ARPC5: variants seen among roughly 807,000 people sequenced by gnomAD.
The protein encoded by ARPC5 is actin-related protein 2/3 complex subunit 5.
A neutral mutation model predicts 15.4 loss-of-function variants in ARPC5; 5 were observed. The observed-to-expected ratio is 0.32, with a 90% confidence interval of 0.17 to 0.68. The LOEUF (loss-of-function observed/expected upper bound fraction) is 0.68. ARPC5 is among the 30% of genes least tolerant of loss of function. The pLI, the probability that ARPC5 is intolerant of heterozygous loss-of-function variation, is 0.71. For missense variants in ARPC5, 138 were observed against 192.8 expected, an observed-to-expected ratio of 0.72 and a Z score of 1.68; for synonymous variants, 85 against 72.2, an observed-to-expected ratio of 1.18 and a Z score of -0.90.
chr1:183,633,382 G>T, intron 1 of ARPC5: 1 of 336,688 alleles, frequency 3.0e-6, no homozygotes, highest in East Asian at 5.7e-5. Context: ...TTTCACCCTT[G>T]GTTCTAACTA....
chr1:183,632,108 A>C (rs1013623379), intron 2 of ARPC5: 1 of 152,234 alleles, frequency 6.6e-6, no homozygotes, highest in East Asian at 1.9e-4. Flanking sequence ...TTACCTAGAT[A>C]ATTATTATGC....
At chr1:183,632,489 C>T (rs1449978060) in intron 2 of ARPC5, 1 of 152,152 alleles carries the variant, frequency 6.6e-6, no homozygotes, top group African/African-American at 2.4e-5. Flanking sequence ...TACACTGCAG[C>T]TTATCCATAT....
intron 3 of ARPC5, among the ~76,000 whole-genome samples, chr1:183,627,946 G>A (rs985488507): frequency 3.3e-5 from 5 of 151,996 alleles, no homozygotes; most frequent in South Asian, 2.1e-4. Flanking sequence ...GGCCGAGGCC[G>A]GCGGATCACG....
At chr1:183,631,678 CTTTT>C (rs200423958) in intron 2 of ARPC5, 2 of 150,150 alleles carry the variant, frequency 1.3e-5, no homozygotes, top group Admixed American at 6.6e-5. Context: ...TTCTTAAAAA[CTTTT>C]TTATTTAAAA....
At position 183,627,024 on chromosome 1, in the gene ARPC5, T is replaced by G. The variant is rs547502762; in HGVS notation, c.*508A>C. The G allele has an allele frequency of 6.5e-6, 1 of 154,504 alleles. No homozygotes were observed. The highest frequency in any genetic ancestry group is 6.4e-5 in the Admixed American group (1 of 15,574). 9.6% of individuals were successfully genotyped at this position (154,504 alleles called of 1,614,324 possible). A position where few individuals can be genotyped will look rare whatever the true frequency, so the allele number is the denominator to read the frequency against. ...TTAGCAGTGGTATTCACCCACCACT[T>G]ATTCCAAAAACATATTTTGCTTATT... is the stretch of plus-strand genomic sequence containing the variant. On this transcript the variant is annotated 3_prime_UTR_variant, in exon 4 of 4. Coordinates refer to ENST00000359856, the MANE Select transcript of ARPC5 (RefSeq NM_005717.4).
chr1:183,623,525 G>C lies in ARPC5; in HGVS notation c.*4007C>G. 1 of 1,550,012 alleles carries C rather than the reference G, an allele frequency of 6.5e-7. No homozygotes were observed. The highest frequency in any genetic ancestry group is 8.7e-7 in the Non-Finnish European group (1 of 1,146,686). ...TTCACATATTGTACTAGTGACATTG[G>C]GGTGAGGGGGAGAGGGAGTGGGGCA... On this transcript the variant is annotated 3_prime_UTR_variant, in exon 4 of 4. Coordinates refer to ENST00000359856, the MANE Select transcript of ARPC5 (RefSeq NM_005717.4).
chr1:183,623,229 AG>A lies in ARPC5; in HGVS notation c.*4302del. The A allele has an allele frequency of 1.7e-6, 1 of 602,100 alleles. No homozygotes were observed. The highest frequency in any genetic ancestry group is 2.9e-6 in the Non-Finnish European group (1 of 342,360). The allele number at this position is 602,100 out of a possible 1,614,324, so 37.3% of individuals were successfully genotyped here. A position where few individuals can be genotyped will look rare whatever the true frequency, so the allele number is the denominator to read the frequency against. ...TTGTGTTTCATGTGGTGTGGATTCT[AG>A]GGAACTGTTTCAGAGAGAAATAAGA... On this transcript the variant is annotated 3_prime_UTR_variant, in exon 4 of 4. Coordinates refer to ENST00000359856, the MANE Select transcript of ARPC5 (RefSeq NM_005717.4).
chr1:183,630,469 G>A lies in ARPC5; in HGVS notation c.385C>T (p.His129Tyr). ...TATAATTCATAACTTACCTTTTCAT[G>A]CCATTGCAGTAACATAGCACTGCTA... is the stretch of plus-strand genomic sequence containing the variant. ...DNSSAMLLQW[H>Y]EKALAAGGVG... The change falls in exon 3 of 4, where the codon CAT (histidine) becomes TAT (tyrosine). Residue 129 changes from histidine to tyrosine, a missense_variant. His to Tyr is a moderately conservative substitution (Grantham distance 83, BLOSUM62 2). This residue lies in a region of ARPC5 where 121 missense variants were observed against 153.7 expected (regional missense o/e 0.79). Transcript: ENST00000359856. 1 of 1,603,078 alleles carries A rather than the reference G, an allele frequency of 6.2e-7. No homozygotes were observed. Among genetic ancestry groups the A allele is most frequent in the Non-Finnish European group, 8.5e-7 (1 of 1,174,698 alleles).
rs1030870651 is a variant in ARPC5, at chr1:183,626,800, T to C, written c.*732A>G. 1.3e-5 allele frequency: 2 copies of C among 152,354 alleles called. No individual in the cohort carries two copies. The highest frequency in any genetic ancestry group is 4.8e-5 in the African/African-American group (2 of 41,456). 9.4% of individuals were successfully genotyped at this position (152,354 alleles called of 1,614,324 possible). A position where few individuals can be genotyped will look rare whatever the true frequency, so the allele number is the denominator to read the frequency against. ...TTTTTTCCAAACAGAGCCATATTAG[T>C]GGAACAAAAGTTTGATGTTCATGCC... On this transcript the variant is annotated 3_prime_UTR_variant, in exon 4 of 4. Transcript: ENST00000359856.
rs1334931355 is a variant in ARPC5 at position 183,623,351 on chromosome 1, C to T, written c.*4181G>A. ...GAAATGTTAAAGTGAATGCTGTGTC[C>T]CATGTTGCTTGTGGTTGGATCATCA... On this transcript the variant is annotated 3_prime_UTR_variant, in exon 4 of 4. Coordinates refer to ENST00000359856, the MANE Select transcript of ARPC5 (RefSeq NM_005717.4). The T allele has an allele frequency of 5.8e-6, 8 of 1,380,524 alleles. No individual in the cohort carries two copies. Among genetic ancestry groups the T allele is most frequent in the Non-Finnish European group, 8.1e-6 (8 of 992,494 alleles). 85.5% of individuals were successfully genotyped at this position (1,380,524 alleles called of 1,614,324 possible).
At chr1:183,630,662 CATTTAGACAT>C (rs1328360561) in intron 2 of ARPC5, 25 bp from the exon 3 acceptor site, 2 of 1,597,876 alleles carry the variant, frequency 1.3e-6, no homozygotes, top group Non-Finnish European at 1.7e-6. Context: ...AATAACAGAA[CATTTAGACAT>C]ATCTGTATGA....
chr1:183,629,995 TTG>T (rs1164721767), intron 3 of ARPC5, among the ~76,000 whole-genome samples: 1 of 152,236 alleles, frequency 6.6e-6, no homozygotes, highest in Non-Finnish European at 1.5e-5. Flanking sequence ...ATTAGTTCTT[TTG>T]TGTTTGGCTC....
intron 1 of ARPC5, chr1:183,633,997 T>A (rs1045474670): frequency 6.6e-6 from 1 of 152,242 alleles, no homozygotes; most frequent in African/African-American, 2.4e-5. Flanking sequence ...AGTATCTTTA[T>A]ATTTTAAGAT....
In ARPC5 at chr1:183,622,129, G is replaced by A. The variant is rs953222257; in HGVS notation, c.*5403C>T. 1.2e-4 allele frequency: 18 copies of A among 152,160 alleles called. No homozygotes were observed. Among genetic ancestry groups the A allele is most frequent in the Non-Finnish European group, 2.6e-4 (18 of 68,024 alleles). The allele number at this position is 152,160 out of a possible 1,614,324, so 9.4% of individuals were successfully genotyped here. A position where few individuals can be genotyped will look rare whatever the true frequency, so the allele number is the denominator to read the frequency against. On this transcript the variant is annotated 3_prime_UTR_variant, in exon 4 of 4. Transcript: ENST00000359856. ...GTATGTTAGTATTTATGTACACAAA[G>A]GGGTAAAATCTTATATAGGTATTTG...
At chr1:183,629,013 T>C (rs1204812536) in intron 3 of ARPC5, among the ~76,000 whole-genome samples, 1 of 152,224 alleles carries the variant, frequency 6.6e-6, no homozygotes, top group Non-Finnish European at 1.5e-5. Context: ...GGAGAGATGC[T>C]GTGAACAGCT....
intron 2 of ARPC5, 172 bp downstream of exon 2, chr1:183,632,910 C>A: frequency 1.9e-6 from 1 of 520,338 alleles, no homozygotes; most frequent in Admixed American, 4.1e-5. Flanking sequence ...ATCATAACTA[C>A]ATTATAGGGC....
rs1649478092 is a variant in ARPC5, at chr1:183,635,745, T to C, written c.-86A>G. 5 of 1,506,582 alleles carry C rather than the reference T, an allele frequency of 3.3e-6. No individual in the cohort carries two copies. The East Asian group carries it at 7.1e-5, about 22-fold the overall frequency. 93.3% of individuals were successfully genotyped at this position (1,506,582 alleles called of 1,614,324 possible). The stretch of plus-strand genomic sequence containing the variant: ...GCCCAGCAACCCACTACCCGGCGCC[T>C]GATTCACTTCCCTCTTCCGCTCTGA... On this transcript the variant is annotated 5_prime_UTR_variant, in exon 1 of 4. Coordinates refer to ENST00000359856, the MANE Select transcript of ARPC5 (RefSeq NM_005717.4).
chr1:183,630,780 G>A (rs541336585), intron 2 of ARPC5, 143 bp from the exon 3 acceptor site: 1 of 729,812 alleles, frequency 1.4e-6, no homozygotes, highest in African/African-American at 1.8e-5. Context: ...TGAGGAAAGT[G>A]TTTCAGACAG....
chr1:183,623,453 GGAATCATACAA>G lies in ARPC5; in HGVS notation c.*4068_*4078del. ...GGCTTCCCGGGCCTCCTCCATATCT[GGAATCATACAA>G]GAGGCACCTGCACAGAACGTTTTCA... On this transcript the variant is annotated 3_prime_UTR_variant, in exon 4 of 4. Coordinates refer to ENST00000359856, the MANE Select transcript of ARPC5 (RefSeq NM_005717.4). 1 of 1,550,330 alleles carries G rather than the reference GGAATCATACAA, an allele frequency of 6.5e-7. No homozygotes were observed. The highest frequency in any genetic ancestry group is 8.7e-7 in the Non-Finnish European group (1 of 1,146,902).
Sources: allele counts gnomAD v4.1 joint callset (sites outside exome capture counted in the v4.1 genomes callset), GRCh38; gene constraint gnomAD v4.1.1; regional missense constraint gnomAD v4.1.1; transcripts MANE v1.5; gene names NCBI Gene and HGNC (gene_info 2026-07-23, HGNC 2026-07-21).